Variants in SBNO2 observed in about 807,000 individuals in gnomAD.
SBNO2 encodes protein strawberry notch homolog 2.
SBNO2 carries 89 observed loss-of-function variants against 146.3 expected under a neutral mutation model. That is an observed-to-expected ratio of 0.61 (90% CI 0.51 to 0.73). The LOEUF is 0.73. Ranked by LOEUF, SBNO2 falls within the 30% of genes least tolerant of loss-of-function variation. The probability of loss-of-function intolerance (pLI) is 0.00; values close to 1 mark genes in which losing one functional copy is unlikely to be tolerated. For synonymous variants in SBNO2, 1,147 were observed against 892.6 expected, an observed-to-expected ratio of 1.29 and a Z score of -5.08; for missense variants, 2,092 against 2,003.7, an observed-to-expected ratio of 1.04 and a Z score of -0.84.
chr19:1,113,046 A>G lies in SBNO2; in HGVS notation c.2248-97T>C, dbSNP rs1599825834. 6.5e-6 allele frequency: 9 copies of G among 1,391,450 alleles called. No individual in the cohort carries two copies. The East Asian group carries it at 1.0e-4, about 16-fold the overall frequency. The allele number at this position is 1,391,450 out of a possible 1,614,324, so 86.2% of individuals were successfully genotyped here. A position where few individuals can be genotyped will look rare whatever the true frequency, so the allele number is the denominator to read the frequency against. Reference sequence around the variant, plus strand: ...AGCTTCCCTATGTCCTACAGTGGTCATGGGCTCCCAGCTGTGCACGGGAGG... The same window carrying G: ...AGCTTCCCTATGTCCTACAGTGGTCGTGGGCTCCCAGCTGTGCACGGGAGG... On this transcript the variant is annotated intron_variant, in intron 19 of 31. Transcript: ENST00000361757.
intron 3 of SBNO2, among the ~76,000 whole-genome samples, chr19:1,149,099 C>G (rs968339037): frequency 8.0e-6 from 1 of 124,326 alleles, no homozygotes; most frequent in Non-Finnish European, 1.7e-5. Context: ...GGAGGCCCCC[C>G]TGGCCCATAG....
intron 30 of SBNO2, 23 bp from the exon 31 acceptor site, chr19:1,108,992 C>T (rs1356380120): frequency 2.0e-6 from 3 of 1,494,782 alleles, no homozygotes; most frequent in African/African-American, 1.4e-5. Flanking sequence ...CGGGTCGTCT[C>T]GGCTCAGGCG....
intron 5 of SBNO2, 119 bp downstream of exon 5, chr19:1,127,485 G>T: frequency 1.0e-6 from 1 of 972,612 alleles, no homozygotes; most frequent in Non-Finnish European, 1.6e-6. Context: ...GACAGTGACA[G>T]GCACAGCCAT....
chr19:1,166,188 CTT>C (rs1168441621), intron 1 of SBNO2, among the ~76,000 whole-genome samples: 1,679 of 79,804 alleles, frequency 0.021, 91 homozygotes, highest in African/African-American at 0.075. Context: ...AGATCCCAGA[CTT>C]CAGATCCCCG....
rs765364015 is a variant in SBNO2, at chr19:1,117,363, C to T, written c.1664G>A (p.Arg555Gln). The change falls in exon 15 of 32, where the codon CGG (arginine) becomes CAG (glutamine). Residue 555 changes from arginine to glutamine, a missense_variant. Transcript: ENST00000361757. The stretch of plus-strand genomic sequence containing the variant: ...CTCCTCTCGGGCCAGCTCCACCAGC[C>T]GGCGCACCTTGGCTGCGATGCACAG... ...KYLCIAAKVR[R>Q]LVELAREELA... The T allele has an allele frequency of 7.6e-6, 12 of 1,581,878 alleles. No individual in the cohort carries two copies. The highest frequency in any genetic ancestry group is 2.3e-5 in the East Asian group (1 of 43,022).
Position 1,109,497 on chromosome 19 carries a change from C to G in SBNO2, c.3216+9G>C. On this transcript the variant is annotated intron_variant, in intron 28 of 31. Coordinates refer to ENST00000361757, the MANE Select transcript of SBNO2 (RefSeq NM_014963.3). The surrounding 1 kb of genome is among the most constrained non-coding windows in gnomAD (Gnocchi z 4.2). Reference sequence around the variant, plus strand: ...CCTCCTCTGGGGGGGTAACCCCGCCCGACCCCACCTTGTAGGAGAGGTAGA... The same window carrying G: ...CCTCCTCTGGGGGGGTAACCCCGCCGGACCCCACCTTGTAGGAGAGGTAGA... 1 of 1,588,578 alleles carries G rather than the reference C, an allele frequency of 6.3e-7. No individual in the cohort carries two copies. The highest frequency in any genetic ancestry group is 8.6e-7 in the Non-Finnish European group (1 of 1,169,022).
Position 1,166,818 on chromosome 19 carries a change from G to A in SBNO2, c.-127+7354C>T, listed in dbSNP as rs192105640. On this transcript the variant is annotated intron_variant, in intron 1 of 31. Coordinates refer to ENST00000361757, the MANE Select transcript of SBNO2 (RefSeq NM_014963.3). ...GTGCCCTTGTGTGTCTTCAATCCAT[G>A]TGGAGGGTAGTCTGGCCCATCCCAC... 3.5e-3 allele frequency among the ~76,000 whole-genome samples: 537 copies of A among 152,288 alleles called. 3 individuals are homozygous for A. The highest frequency in any genetic ancestry group is 0.012 in the African/African-American group (510 of 41,574).
In SBNO2 at chr19:1,109,364, C is replaced by G; in HGVS notation, c.3276G>C (p.Thr1092=). Residue 1092 remains threonine, a synonymous_variant, in exon 29 of 32, where the codon ACG becomes ACC. Coordinates refer to ENST00000361757, the MANE Select transcript of SBNO2 (RefSeq NM_014963.3). The surrounding 1 kb of genome is among the most constrained non-coding windows in gnomAD (Gnocchi z 4.2). The part of the protein sequence containing the change: ...LAEQNRGQFF[T]VYKPNIGRQS... ...GCCGGCCGATGTTGGGCTTGTACAC[C>G]GTGAAGAACTGGCCGCGGTTCTGCT... 1.9e-6 allele frequency: 3 copies of G among 1,586,340 alleles called. No homozygotes were observed. The highest frequency in any genetic ancestry group is 2.6e-6 in the Non-Finnish European group (3 of 1,167,340).
intron 4 of SBNO2, among the ~76,000 whole-genome samples, chr19:1,139,271 T>G (rs1183519937): frequency 6.6e-6 from 1 of 151,382 alleles, no homozygotes; most frequent in Non-Finnish European, 1.5e-5. Flanking sequence ...CCCATTTCTA[T>G]GAAATGTGCA....
intron 17 of SBNO2, among the ~76,000 whole-genome samples, chr19:1,114,869 G>A (rs924851661): frequency 5.3e-5 from 8 of 151,384 alleles, no homozygotes; most frequent in South Asian, 2.1e-4. Flanking sequence ...TCCTGACCTC[G>A]TGATCCACCT....
intron 4 of SBNO2, chr19:1,128,389 A>G (rs1273097910): frequency 3.3e-6 from 1 of 304,996 alleles, no homozygotes; most frequent in South Asian, 2.4e-5. Context: ...ATGTATGTAC[A>G]TCATTTCATT....
At position 1,107,640 on chromosome 19, in the gene SBNO2, G is replaced by C. The variant is rs977476589; in HGVS notation, c.*580C>G. The C allele has an allele frequency of 6.6e-6, 1 of 152,518 alleles. No individual in the cohort carries two copies. Among genetic ancestry groups the C allele is most frequent in the Non-Finnish European group, 1.5e-5 (1 of 68,074 alleles). 9.4% of individuals were successfully genotyped at this position (152,518 alleles called of 1,614,324 possible). ...GGCTGAGGAGCAGACTCCGTGGGAA[G>C]TAGGCAAAAGGCACATATATTTAAA... On this transcript the variant is annotated 3_prime_UTR_variant, in exon 32 of 32. Transcript: ENST00000361757.
intron 5 of SBNO2, among the ~76,000 whole-genome samples, chr19:1,124,382 G>A (rs2079941311): frequency 1.3e-5 from 2 of 152,228 alleles, no homozygotes; most frequent in African/African-American, 4.8e-5. Flanking sequence ...CTGTGGACAG[G>A]GGTCTGACAG....
chr19:1,171,583 T>G (rs748792852), intron 1 of SBNO2, among the ~76,000 whole-genome samples: 3 of 152,140 alleles, frequency 2.0e-5, no homozygotes, highest in Non-Finnish European at 4.4e-5. Flanking sequence ...GGAGCCGGAC[T>G]GGTTCTGTCG....
chr19:1,111,638 G>T (rs1410482203), intron 23 of SBNO2, 24 bp from the exon 24 acceptor site: 3 of 1,536,760 alleles, frequency 2.0e-6, no homozygotes, highest in Admixed American at 1.9e-5. Context: ...GTGACTCGGG[G>T]AGGAGGCCCA....
chr19:1,107,924 G>A lies in SBNO2; in HGVS notation c.*296C>T, dbSNP rs1016368374. 7 of 226,076 alleles carry A rather than the reference G, an allele frequency of 3.1e-5. No homozygotes were observed. The highest frequency in any genetic ancestry group is 4.6e-5 in the African/African-American group (2 of 43,038). The allele number at this position is 226,076 out of a possible 1,614,324, so 14.0% of individuals were successfully genotyped here. A position where few individuals can be genotyped will look rare whatever the true frequency, so the allele number is the denominator to read the frequency against. ...CCACCCGGTTTCACGGATTTCAAGG[G>A]TTTGGGCCCACTGAGCCCTTGTGGG... On this transcript the variant is annotated 3_prime_UTR_variant, in exon 32 of 32. Coordinates refer to ENST00000361757, the MANE Select transcript of SBNO2 (RefSeq NM_014963.3).
chr19:1,147,792 C>T (rs933342501), intron 3 of SBNO2, among the ~76,000 whole-genome samples: 3 of 152,118 alleles, frequency 2.0e-5, no homozygotes, highest in Admixed American at 1.3e-4. Context: ...CACACAGGCC[C>T]CTTGACCCAC....
intron 4 of SBNO2, among the ~76,000 whole-genome samples, chr19:1,141,505 C>T (rs1003633952): frequency 5.3e-5 from 8 of 151,750 alleles, no homozygotes; most frequent in African/African-American, 1.7e-4. Flanking sequence ...TTGAGCACTG[C>T]GCCTGACCTG....
intron 1 of SBNO2, among the ~76,000 whole-genome samples, chr19:1,159,783 G>A (rs189432894): frequency 0.017 from 1,982 of 117,542 alleles, 62 homozygotes; most frequent in African/African-American, 0.059. Context: ...GGGCAGTGGG[G>A]GACAGTGGGG....
Sources: gnomAD v4.1 joint callset for allele counts (sites outside exome capture counted in the v4.1 genomes callset) on GRCh38, gnomAD v4.1.1 for gene constraint, Gnocchi (gnomAD v3.1) non-coding constraint, MANE v1.5 for transcripts, NCBI Gene and HGNC (gene_info 2026-07-23, HGNC 2026-07-21) for gene names.